The following NEGR1 variants were observed in gnomAD, a reference collection of about 807,000 sequenced individuals.
The protein encoded by NEGR1 is neuronal growth regulator 1, also known as IgLON family member 4.
A neutral mutation model predicts 40.9 loss-of-function variants in NEGR1; 10 were observed. That is an observed-to-expected ratio of 0.24 (90% CI 0.15 to 0.42). The LOEUF is 0.42. NEGR1 is among the 10% of genes least tolerant of loss of function. NEGR1 has a pLI of 1.00. For synonymous variants in NEGR1, 185 were observed against 166.8 expected (o/e 1.11, Z -0.84); for missense variants, 352 against 438.9 (o/e 0.80, Z 1.77).
At chr1:71,996,134 C>T (rs1646502981) in intron 1 of NEGR1, among the ~76,000 whole-genome samples, 1 of 151,960 alleles carries the variant, frequency 6.6e-6, no homozygotes, top group Non-Finnish European at 1.5e-5. Flanking sequence ...TTTTGCACCA[C>T]TGGATGTATA....
At chr1:71,886,452 TG>T (rs145213790) in intron 2 of NEGR1, among the ~76,000 whole-genome samples, 13,614 of 145,408 alleles carry the variant, frequency 0.094, 705 homozygotes, top group Non-Finnish European at 0.12. Context: ...TCTTAGTTTA[TG>T]GGGGAAAAAA....
chr1:72,048,641 A>C (rs1329563372), intron 1 of NEGR1, among the ~76,000 whole-genome samples: 1 of 151,504 alleles, frequency 6.6e-6, no homozygotes, highest in Non-Finnish European at 1.5e-5. Flanking sequence ...AGAAACTAAA[A>C]ATTTCTCTAG....
rs1476664859 is a variant in NEGR1 at position 71,406,586 on chromosome 1, T to C, written c.*860A>G. 6.6e-6 allele frequency: 1 copy of C among 152,272 alleles called. No homozygotes were observed. Among genetic ancestry groups the C allele is most frequent in the Non-Finnish European group, 1.5e-5 (1 of 67,928 alleles). The allele number at this position is 152,272 out of a possible 1,614,324, so 9.4% of individuals were successfully genotyped here. ...TTTAGCTACAACTAAAGAAATCATATGGTATATTTACTATACTGTTATTAA... is the reference window on the plus strand; with the variant it reads ...TTTAGCTACAACTAAAGAAATCATACGGTATATTTACTATACTGTTATTAA... On this transcript the variant is annotated 3_prime_UTR_variant, in exon 7 of 7. Transcript: ENST00000357731.
intron 3 of NEGR1, among the ~76,000 whole-genome samples, chr1:71,742,741 G>T (rs931456177): frequency 7.9e-5 from 12 of 152,272 alleles, no homozygotes; most frequent in Admixed American, 7.8e-4. Flanking sequence ...ATATTTAAAT[G>T]AAATTTTGGA....
intron 1 of NEGR1, among the ~76,000 whole-genome samples, chr1:72,205,524 T>G (rs1016640057): frequency 1.3e-5 from 2 of 150,090 alleles, no homozygotes; most frequent in Non-Finnish European, 3.0e-5. Flanking sequence ...TTCTAAGATT[T>G]TTTCCACTCA....
intron 1 of NEGR1, among the ~76,000 whole-genome samples, chr1:72,269,987 C>A (rs553303093): frequency 2.0e-5 from 3 of 151,744 alleles, no homozygotes; most frequent in African/African-American, 7.2e-5. Flanking sequence ...CGAGTAAATG[C>A]GTAATAAATG....
chr1:72,162,355 C>T (rs913862576), intron 1 of NEGR1, among the ~76,000 whole-genome samples: 5 of 151,850 alleles, frequency 3.3e-5, no homozygotes, highest in African/African-American at 1.2e-4. Flanking sequence ...ATCCCAGCTA[C>T]TTGGGAGGCT....
intron 4 of NEGR1, among the ~76,000 whole-genome samples, chr1:71,634,492 GTTA>G (rs1651076374): frequency 6.6e-6 from 1 of 152,072 alleles, no homozygotes; most frequent in Non-Finnish European, 1.5e-5. Flanking sequence ...CTTCCATATT[GTTA>G]TTATGTTTTT....
intron 4 of NEGR1, among the ~76,000 whole-genome samples, chr1:71,694,176 T>C: frequency 6.6e-6 from 1 of 151,696 alleles, no homozygotes; most frequent in Middle Eastern, 3.2e-3. Flanking sequence ...GCAAATAAAA[T>C]GGGGAATCTG....
At chr1:71,634,953 A>G (rs1359107505) in intron 4 of NEGR1, among the ~76,000 whole-genome samples, 1 of 152,126 alleles carries the variant, frequency 6.6e-6, no homozygotes, top group Non-Finnish European at 1.5e-5. Context: ...GGCAGGAATA[A>G]GAAACCAGGT....
chr1:71,727,582 T>C (rs978818725), intron 3 of NEGR1, among the ~76,000 whole-genome samples: 4 of 151,996 alleles, frequency 2.6e-5, no homozygotes, highest in African/African-American at 9.7e-5. Context: ...CAAGCACAAA[T>C]ACAAGAAAGA....
At chr1:71,689,048 G>T (rs1275572928) in intron 4 of NEGR1, among the ~76,000 whole-genome samples, 1 of 152,140 alleles carries the variant, frequency 6.6e-6, no homozygotes, top group Non-Finnish European at 1.5e-5. Flanking sequence ...TGCATAAACA[G>T]AATTTCTCCT....
intron 6 of NEGR1, among the ~76,000 whole-genome samples, chr1:71,555,085 G>A (rs1165729472): frequency 6.6e-6 from 1 of 151,556 alleles, no homozygotes; most frequent in Non-Finnish European, 1.5e-5. Flanking sequence ...AATTCAATTT[G>A]AGACAATGAG....
intron 1 of NEGR1, among the ~76,000 whole-genome samples, chr1:72,222,226 C>T (rs529836177): frequency 6.6e-6 from 1 of 152,058 alleles, no homozygotes; most frequent in East Asian, 2.0e-4. Flanking sequence ...ACTTGCAAAC[C>T]CAGGCTTCAG....
At chr1:72,012,587 G>C (rs1287528687) in intron 1 of NEGR1, among the ~76,000 whole-genome samples, 3 of 151,896 alleles carry the variant, frequency 2.0e-5, no homozygotes, top group Non-Finnish European at 4.4e-5. Flanking sequence ...GAAAAAGTTT[G>C]AATTTTTTAT....
chr1:71,438,548 TTTTG>T (rs199543183), intron 6 of NEGR1, among the ~76,000 whole-genome samples: 159 of 152,248 alleles, frequency 1.0e-3, no homozygotes, highest in African/African-American at 3.2e-3. Context: ...TTTTAGGATT[TTTTG>T]TTTGTTTGTT....
rs531602375 is a variant in NEGR1 at position 71,697,675 on chromosome 1, C to T, written c.667+333G>A. On this transcript the variant is annotated intron_variant, in intron 4 of 6. Transcript: ENST00000357731. ...TACGCACTTAAATTTAGTGTTAGTG[C>T]ACTTCAGGTAAAGCTCATGAGGAAA... Among the ~76,000 whole-genome samples the T allele has an allele frequency of 2.0e-5, 3 of 151,848 alleles. No homozygotes were observed. The South Asian group carries it at 6.2e-4, about 32-fold the overall frequency.
intron 2 of NEGR1, among the ~76,000 whole-genome samples, chr1:71,824,927 T>C (rs954091846): frequency 3.9e-5 from 6 of 151,952 alleles, no homozygotes; most frequent in African/African-American, 1.4e-4. Flanking sequence ...TGAGTTGTTT[T>C]TAGTTTTTGA....
At chr1:71,824,445 T>C (rs1306135392) in intron 2 of NEGR1, among the ~76,000 whole-genome samples, 2 of 151,804 alleles carry the variant, frequency 1.3e-5, no homozygotes, top group Non-Finnish European at 2.9e-5. Flanking sequence ...GTGAGAGCCA[T>C]ATAATCTTAC....
Sources: allele counts gnomAD v4.1 joint callset (sites outside exome capture counted in the v4.1 genomes callset), GRCh38; gene constraint gnomAD v4.1.1; transcripts MANE v1.5; gene names NCBI Gene and HGNC (gene_info 2026-07-23, HGNC 2026-07-21).